ASAP1: variants seen among roughly 807,000 people sequenced by gnomAD.
The protein encoded by ASAP1 is ArfGAP with SH3 domain, ankyrin repeat and PH domain 1, also known as arf-GAP with SH3 domain, ANK repeat and PH domain-containing protein 1.
Under a neutral mutation model 145.2 loss-of-function variants are expected in ASAP1, and 43 were observed. The ratio of observed to expected loss-of-function variants is 0.30; its 90% CI spans 0.23 to 0.38. The LOEUF is 0.38. Ranked by LOEUF, ASAP1 falls within the 10% of genes least tolerant of loss-of-function variation. The pLI is 1.00. For missense variants in ASAP1, 1,018 were observed against 1,355.3 expected (o/e 0.75, Z 3.91); for synonymous variants, 546 against 515.5 (o/e 1.06, Z -0.80).
chr8:130,170,981 G>A (rs752394656), intron 9 of ASAP1, among the ~76,000 whole-genome samples: 2 of 152,190 alleles, frequency 1.3e-5, no homozygotes, highest in Admixed American at 1.3e-4. Flanking sequence ...CTCCCGAAGT[G>A]CTGAGATTAA....
At chr8:130,087,297 A>AT (rs551547391) in intron 25 of ASAP1, among the ~76,000 whole-genome samples, 118 of 152,208 alleles carry the variant, frequency 7.8e-4, no homozygotes, top group Non-Finnish European at 1.3e-3. Flanking sequence ...AGATGGGTGG[A>AT]TCACTTGAGG....
At chr8:130,351,181 C>T (rs547418604) in intron 3 of ASAP1, among the ~76,000 whole-genome samples, 55 of 152,268 alleles carry the variant, frequency 3.6e-4, no homozygotes, top group Admixed American at 2.0e-3. Context: ...GCCTTTCTCA[C>T]GGGTCCTGCA....
intron 15 of ASAP1, among the ~76,000 whole-genome samples, chr8:130,131,628 A>G (rs1285622277): frequency 1.5e-5 from 2 of 130,646 alleles, no homozygotes; most frequent in Non-Finnish European, 3.4e-5. Context: ...AAAAAAAAAA[A>G]AAGAAATGAA....
At chr8:130,325,893 C>G (rs1824294705) in intron 3 of ASAP1, among the ~76,000 whole-genome samples, 1 of 152,088 alleles carries the variant, frequency 6.6e-6, no homozygotes, top group Non-Finnish European at 1.5e-5. Flanking sequence ...TTAGGGAGTA[C>G]TAAATATGCC....
chr8:130,115,874 T>C lies in ASAP1; in HGVS notation c.2065-139A>G. ...GGTGTACTATAGGCAACACTCTGCT[T>C]AGACAAGCTGCACTGCTATGTGACA... On this transcript the variant is annotated intron_variant, in intron 22 of 29. Coordinates refer to ENST00000518721, the MANE Select transcript of ASAP1 (RefSeq NM_018482.4). 4.6e-6 allele frequency: 3 copies of C among 652,904 alleles called. No homozygotes were observed. In the South Asian group the frequency reaches 5.7e-5, roughly 12 times the overall value. The allele number at this position is 652,904 out of a possible 1,614,324, so 40.4% of individuals were successfully genotyped here. A position where few individuals can be genotyped will look rare whatever the true frequency, so the allele number is the denominator to read the frequency against.
At chr8:130,362,299 T>C (rs1445549007) in intron 2 of ASAP1, among the ~76,000 whole-genome samples, 2 of 152,126 alleles carry the variant, frequency 1.3e-5, no homozygotes, top group Non-Finnish European at 2.9e-5. Context: ...GGAGCTTTGA[T>C]CCACAGTGTT....
chr8:130,302,269 A>C (rs561634773), intron 3 of ASAP1, among the ~76,000 whole-genome samples: 2 of 152,364 alleles, frequency 1.3e-5, no homozygotes, highest in East Asian at 3.9e-4. Flanking sequence ...ACACAATGGA[A>C]ACCAGCCAGG....
intron 18 of ASAP1, among the ~76,000 whole-genome samples, chr8:130,121,105 T>A (rs2097565124): frequency 6.6e-6 from 1 of 152,204 alleles, no homozygotes; most frequent in Non-Finnish European, 1.5e-5. Context: ...GGCTCTCCCT[T>A]CAAAATACAT....
intron 3 of ASAP1, among the ~76,000 whole-genome samples, chr8:130,270,754 T>C (rs1467492448): frequency 6.6e-6 from 1 of 152,232 alleles, no homozygotes; most frequent in East Asian, 1.9e-4. Flanking sequence ...TAGAAGCTGC[T>C]GGGAAAAAAC....
chr8:130,245,884 C>T (rs1322006572), intron 3 of ASAP1, among the ~76,000 whole-genome samples: 1 of 152,104 alleles, frequency 6.6e-6, no homozygotes, highest in Non-Finnish European at 1.5e-5. Context: ...GTAAATATTG[C>T]AACACATATT....
chr8:130,357,932 C>A, intron 3 of ASAP1, 85 bp downstream of exon 3: 1 of 1,498,508 alleles, frequency 6.7e-7, no homozygotes, highest in Non-Finnish European at 8.9e-7. Context: ...CCCCGCGTCC[C>A]CTTCCTCCCA....
At chr8:130,258,323 C>T (rs760306600) in intron 3 of ASAP1, among the ~76,000 whole-genome samples, 2 of 152,234 alleles carry the variant, frequency 1.3e-5, no homozygotes, top group Non-Finnish European at 1.5e-5. Flanking sequence ...TCCCTGTTTA[C>T]ACCCATTGCC....
intron 13 of ASAP1, among the ~76,000 whole-genome samples, chr8:130,146,896 A>G (rs1168690894): frequency 1.3e-5 from 2 of 152,176 alleles, no homozygotes; most frequent in Non-Finnish European, 2.9e-5. Flanking sequence ...TGGGCTCTGT[A>G]AAGTACACTG....
chr8:130,223,113 A>G (rs1358469130), intron 4 of ASAP1, among the ~76,000 whole-genome samples: 2 of 152,350 alleles, frequency 1.3e-5, no homozygotes, highest in South Asian at 4.1e-4. Context: ...TTTTGGAAAA[A>G]TGCAAAAAAA....
chr8:130,383,623 C>T (rs1308812289), intron 2 of ASAP1, among the ~76,000 whole-genome samples: 1 of 152,150 alleles, frequency 6.6e-6, no homozygotes, highest in African/African-American at 2.4e-5. Flanking sequence ...CACAGGGATT[C>T]GTGGCTTGTC....
intron 2 of ASAP1, among the ~76,000 whole-genome samples, chr8:130,381,592 C>T (rs559133877): frequency 6.6e-6 from 1 of 152,252 alleles, no homozygotes; most frequent in South Asian, 2.1e-4. Flanking sequence ...AGGATGACGC[C>T]TGGCTTGGAG....
chr8:130,067,561 A>C (rs1184400683), intron 27 of ASAP1, among the ~76,000 whole-genome samples: 1 of 152,086 alleles, frequency 6.6e-6, no homozygotes, highest in Non-Finnish European at 1.5e-5. Flanking sequence ...ACACTCTGCT[A>C]ATTTTTCAAA....
At chr8:130,255,981 G>A (rs1819490747) in intron 3 of ASAP1, among the ~76,000 whole-genome samples, 1 of 152,114 alleles carries the variant, frequency 6.6e-6, no homozygotes, top group African/African-American at 2.4e-5. Context: ...TTCTTAACAT[G>A]CACCCTTTCA....
chr8:130,408,135 A>G (rs1454584704), intron 1 of ASAP1, among the ~76,000 whole-genome samples: 1 of 152,156 alleles, frequency 6.6e-6, no homozygotes, highest in Non-Finnish European at 1.5e-5. Flanking sequence ...TAATCTATCC[A>G]CTTGTGAACT....
Sources: allele counts gnomAD v4.1 joint callset (sites outside exome capture counted in the v4.1 genomes callset), GRCh38; gene constraint gnomAD v4.1.1; transcripts MANE v1.5; gene names NCBI Gene and HGNC (gene_info 2026-07-23, HGNC 2026-07-21).